ATP11B: variants seen among roughly 807,000 people sequenced by gnomAD.
ATP11B encodes the protein phospholipid-transporting ATPase IF.
ATP11B carries 81 observed loss-of-function variants against 157.8 expected under a neutral mutation model. The observed-to-expected ratio is 0.51, with a 90% CI of 0.43 to 0.62. The LOEUF (loss-of-function observed/expected upper bound fraction) is 0.62. ATP11B is among the 20% of genes least tolerant of loss of function. The pLI is 0.00. For missense variants in ATP11B, 1,165 were observed against 1,402.2 expected (o/e 0.83, Z 2.70); for synonymous variants, 451 against 469.4 (o/e 0.96, Z 0.51).
chr3:182,903,782 C>G (rs1724137974), intron 28 of ATP11B, among the ~76,000 whole-genome samples: 1 of 152,128 alleles, frequency 6.6e-6, no homozygotes, highest in Non-Finnish European at 1.5e-5. Flanking sequence ...TTTTGAGCAT[C>G]TAATTGTTTA....
At chr3:182,857,855 A>G (rs1452445713) in intron 10 of ATP11B, 23 bp from the exon 11 acceptor site, 6 of 1,408,354 alleles carry the variant, frequency 4.3e-6, no homozygotes, top group Admixed American at 1.8e-5. Flanking sequence ...TGTATGTTTT[A>G]TATTCTCTTT....
chr3:182,816,503 G>A (rs1434249522), intron 1 of ATP11B, among the ~76,000 whole-genome samples: 1 of 152,174 alleles, frequency 6.6e-6, no homozygotes, highest in Non-Finnish European at 1.5e-5. Context: ...TGCTGATAAT[G>A]CTTACTAGAA....
At chr3:182,871,411 A>C (rs1272655894) in intron 17 of ATP11B, among the ~76,000 whole-genome samples, 2 of 152,384 alleles carry the variant, frequency 1.3e-5, no homozygotes, top group South Asian at 2.1e-4. Flanking sequence ...GATGAATACT[A>C]TAAGAAAACT....
intron 1 of ATP11B, among the ~76,000 whole-genome samples, chr3:182,803,491 A>G (rs1716137921): frequency 6.6e-6 from 1 of 152,186 alleles, no homozygotes; most frequent in South Asian, 2.1e-4. Context: ...TTTATACAGA[A>G]AGTTTAAATT....
chr3:182,866,147 T>C, intron 13 of ATP11B, 121 bp from the exon 14 acceptor site: 1 of 707,514 alleles, frequency 1.4e-6, no homozygotes, highest in Non-Finnish European at 2.1e-6. Flanking sequence ...AACAACCAAC[T>C]GTTATTCAGG....
At chr3:182,802,907 T>C (rs1716099297) in intron 1 of ATP11B, among the ~76,000 whole-genome samples, 1 of 152,198 alleles carries the variant, frequency 6.6e-6, no homozygotes, top group Admixed American at 6.5e-5. Context: ...TCATTTTCTG[T>C]AAGTGAATTA....
chr3:182,905,028 T>C (rs1473482442), intron 28 of ATP11B, among the ~76,000 whole-genome samples: 1 of 151,972 alleles, frequency 6.6e-6, no homozygotes, highest in Non-Finnish European at 1.5e-5. Flanking sequence ...TATCTTCACA[T>C]AAACTTAGTA....
chr3:182,850,241 G>A, intron 10 of ATP11B, among the ~76,000 whole-genome samples: 1 of 152,192 alleles, frequency 6.6e-6, no homozygotes, highest in East Asian at 1.9e-4. Flanking sequence ...GGGAGACCAA[G>A]GCAGGAGGAT....
chr3:182,812,504 A>G (rs928363873), intron 1 of ATP11B, among the ~76,000 whole-genome samples: 3 of 152,228 alleles, frequency 2.0e-5, no homozygotes, highest in Admixed American at 2.0e-4. Context: ...CTCCCTTACT[A>G]AAACCTGTGA....
intron 29 of ATP11B, chr3:182,914,967 T>C (rs1251699685): frequency 1.0e-6 from 1 of 984,886 alleles, no homozygotes; most frequent in Non-Finnish European, 1.2e-6. Flanking sequence ...ATGTGCTACA[T>C]GAATATTAGC....
intron 7 of ATP11B, among the ~76,000 whole-genome samples, chr3:182,839,513 C>G (rs1340343166): frequency 6.6e-6 from 1 of 152,040 alleles, no homozygotes; most frequent in African/African-American, 2.4e-5. Flanking sequence ...AAAGAAAAAC[C>G]TGGAGGAATT....
chr3:182,896,541 GTTC>G (rs1723560028), intron 25 of ATP11B, among the ~76,000 whole-genome samples, 156 bp from the exon 26 acceptor site: 1 of 152,088 alleles, frequency 6.6e-6, no homozygotes, highest in African/African-American at 2.4e-5. Flanking sequence ...GCTTTATGCT[GTTC>G]TTCTCATACT....
intron 2 of ATP11B, among the ~76,000 whole-genome samples, chr3:182,824,468 C>T (rs1180041934): frequency 6.6e-6 from 1 of 152,162 alleles, no homozygotes; most frequent in African/African-American, 2.4e-5. Context: ...AAACTCTCTT[C>T]CCGTTTCCAT....
chr3:182,811,001 C>G (rs927359714), intron 1 of ATP11B, among the ~76,000 whole-genome samples: 8 of 152,092 alleles, frequency 5.3e-5, no homozygotes, highest in African/African-American at 1.9e-4. Flanking sequence ...CCCTAATTGT[C>G]ATATGAAGGA....
intron 15 of ATP11B, among the ~76,000 whole-genome samples, chr3:182,868,688 C>T (rs906329120): frequency 6.6e-6 from 1 of 152,124 alleles, no homozygotes. Flanking sequence ...CTTTTTTAGT[C>T]AGAAAAACAT....
chr3:182,818,371 A>T (rs1717097783), intron 1 of ATP11B, among the ~76,000 whole-genome samples: 1 of 152,250 alleles, frequency 6.6e-6, no homozygotes, highest in Non-Finnish European at 1.5e-5. Flanking sequence ...ACACTTTATG[A>T]GGAAAATAAA....
chr3:182,828,339 T>C (rs907547925), intron 3 of ATP11B, 130 bp downstream of exon 3: 14 of 452,754 alleles, frequency 3.1e-5, no homozygotes, highest in Non-Finnish European at 4.1e-6. Flanking sequence ...GCTTCTGCAT[T>C]GTATTCAGTG....
At chr3:182,856,750 G>A (rs1482237559) in intron 10 of ATP11B, among the ~76,000 whole-genome samples, 1 of 152,122 alleles carries the variant, frequency 6.6e-6, no homozygotes, top group Non-Finnish European at 1.5e-5. Flanking sequence ...TTGGAACATG[G>A]TGGAATATCA....
At chr3:182,844,855 A>G (rs945220387) in intron 8 of ATP11B, among the ~76,000 whole-genome samples, 3 of 152,070 alleles carry the variant, frequency 2.0e-5, no homozygotes, top group African/African-American at 7.2e-5. Flanking sequence ...GCTGAATTTT[A>G]TGTTTAAAAT....
Sources: gnomAD v4.1 joint callset for allele counts (sites outside exome capture counted in the v4.1 genomes callset) on GRCh38, gnomAD v4.1.1 for gene constraint, MANE v1.5 for transcripts, NCBI Gene and HGNC (gene_info 2026-07-23, HGNC 2026-07-21) for gene names.